The following PTPRD variants were observed in gnomAD, a reference collection of about 807,000 sequenced individuals.
PTPRD encodes the protein protein tyrosine phosphatase receptor type D.
PTPRD carries 34 observed loss-of-function variants against 214.5 expected under a neutral mutation model. The observed-to-expected ratio is 0.16, with a 90% CI of 0.12 to 0.21. The LOEUF is 0.21. Among genes scored for constraint, PTPRD ranks in the 10% least tolerant of loss-of-function variants. PTPRD has a pLI of 1.00. For synonymous variants in PTPRD, 1,128 were observed against 845.7 expected, an observed-to-expected ratio of 1.33 and a Z score of -5.79; for missense variants, 2,545 against 2,398.7, an observed-to-expected ratio of 1.06 and a Z score of -1.27.
At position 10,546,584 on chromosome 9, in the gene PTPRD, T is replaced by C. The variant is rs184597249; in HGVS notation, c.-600+65814A>G. Among the ~76,000 whole-genome samples, 208 of 152,102 alleles carry C rather than the reference T, an allele frequency of 1.4e-3. 2 individuals carry two copies. Among genetic ancestry groups the C allele is most frequent in the Admixed American group, 0.013 (202 of 15,262 alleles). The stretch of plus-strand genomic sequence containing the variant: ...GAAAGAACAAATATTGTATAAACAA[T>C]TGGTACTAATTGACACAATTTCCTG... On this transcript the variant is annotated intron_variant, in intron 2 of 45. Transcript: ENST00000381196.
At chr9:9,402,396 A>G (rs948841241) in intron 8 of PTPRD, among the ~76,000 whole-genome samples, 1 of 152,148 alleles carries the variant, frequency 6.6e-6, no homozygotes, top group African/African-American at 2.4e-5. Flanking sequence ...TTGAATTTAT[A>G]CCACCCACAA....
At chr9:9,728,682 CT>C (rs1228352943) in intron 7 of PTPRD, among the ~76,000 whole-genome samples, 2 of 152,034 alleles carry the variant, frequency 1.3e-5, no homozygotes, top group East Asian at 3.9e-4. Context: ...ACAGTGGCTC[CT>C]TTAATTTAGA....
chr9:8,982,087 A>T lies in PTPRD; in HGVS notation c.-104+36610T>A, dbSNP rs187143180. 4.5e-3 allele frequency among the ~76,000 whole-genome samples: 683 copies of T among 152,136 alleles called. 7 individuals are homozygous for T. The highest frequency in any genetic ancestry group is 0.016 in the African/African-American group (651 of 41,552). On this transcript the variant is annotated intron_variant, in intron 11 of 45. Transcript: ENST00000381196. ...AGGTCAAGAAGTGAATGGCAGTGAA[A>T]ATAGAGGTATTTCAAAGTGAAATTA... is the stretch of plus-strand genomic sequence containing the variant.
chr9:10,309,515 G>A (rs1251290351), intron 3 of PTPRD, among the ~76,000 whole-genome samples: 1 of 135,906 alleles, frequency 7.4e-6, no homozygotes, highest in Non-Finnish European at 1.5e-5. Flanking sequence ...ACCACATCCA[G>A]CTATTTCTTT....
chr9:8,909,808 C>G (rs2098734565), intron 11 of PTPRD, among the ~76,000 whole-genome samples: 2 of 133,560 alleles, frequency 1.5e-5, no homozygotes, highest in African/African-American at 2.8e-5. Context: ...GAGATAGAGA[C>G]AGAGATAGAG....
intron 6 of PTPRD, among the ~76,000 whole-genome samples, chr9:9,760,296 T>C (rs1253169170): frequency 2.0e-5 from 3 of 152,258 alleles, no homozygotes; most frequent in Non-Finnish European, 2.9e-5. Context: ...TTAAGGTGTA[T>C]GATAAGTGAG....
chr9:8,727,257 CT>C (rs1307719839), intron 12 of PTPRD, among the ~76,000 whole-genome samples: 1 of 152,184 alleles, frequency 6.6e-6, no homozygotes, highest in Non-Finnish European at 1.5e-5. Flanking sequence ...ATAAAAAATG[CT>C]TTGAAATGTA....
At chr9:10,004,701 T>A (rs1366450097) in intron 4 of PTPRD, among the ~76,000 whole-genome samples, 2 of 152,000 alleles carry the variant, frequency 1.3e-5, no homozygotes, top group Non-Finnish European at 2.9e-5. Context: ...AAATACCAAA[T>A]AGTGTCATAA....
chr9:8,660,385 G>C (rs980611651), intron 12 of PTPRD, among the ~76,000 whole-genome samples: 1 of 152,106 alleles, frequency 6.6e-6, no homozygotes, highest in South Asian at 2.1e-4. Context: ...ACAGTGCTTT[G>C]AGGGTTAAGC....
intron 12 of PTPRD, among the ~76,000 whole-genome samples, chr9:8,700,260 C>T (rs1163155508): frequency 6.6e-6 from 1 of 152,152 alleles, no homozygotes; most frequent in Non-Finnish European, 1.5e-5. Flanking sequence ...AGTAAAAATG[C>T]ATCTAAATTA....
rs189888284 is a variant in PTPRD, at chr9:9,687,746, T to C, written c.-287+46787A>G. On this transcript the variant is annotated intron_variant, in intron 7 of 45. Coordinates refer to ENST00000381196, the MANE Select transcript of PTPRD (RefSeq NM_002839.4). ...TTTTCATTTTATTGGTCTCAATTGG[T>C]CAAAAACAAAATGTTGATAACAATA... 4.3e-4 allele frequency among the ~76,000 whole-genome samples: 66 copies of C among 151,914 alleles called. 1 individual carries two copies. The East Asian group carries it at 0.011, about 26-fold the overall frequency.
chr9:10,073,663 T>G (rs2098077657), intron 3 of PTPRD, among the ~76,000 whole-genome samples: 1 of 152,136 alleles, frequency 6.6e-6, no homozygotes, highest in South Asian at 2.1e-4. Flanking sequence ...GTGGTCTTCC[T>G]ACTATGAGGA....
chr9:10,147,758 T>C (rs1228370098), intron 3 of PTPRD, among the ~76,000 whole-genome samples: 1 of 152,092 alleles, frequency 6.6e-6, no homozygotes, highest in East Asian at 1.9e-4. Flanking sequence ...CAGGCTCCTG[T>C]AATCCCAGCC....
rs575904736 is a variant in PTPRD, at chr9:10,514,860, A to T, written c.-600+97538T>A. Among the ~76,000 whole-genome samples, 15 of 152,192 alleles carry T rather than the reference A, an allele frequency of 9.9e-5. No individual in the cohort carries two copies. In the East Asian group the frequency reaches 2.5e-3, roughly 25 times the overall value. On this transcript the variant is annotated intron_variant, in intron 2 of 45. Transcript: ENST00000381196. The stretch of plus-strand genomic sequence containing the variant: ...TACTACTAGAAACATACATGTTTAC[A>T]TAGTAGTTCACCATTAAAAAGAAAT...
At chr9:9,802,010 T>C (rs10491919) in intron 5 of PTPRD, among the ~76,000 whole-genome samples, 15,941 of 152,078 alleles carry the variant, frequency 0.1, 2,089 homozygotes, top group East Asian at 0.65. Flanking sequence ...TTGGTGAGTA[T>C]TGAGAAAAAA....
chr9:9,883,202 T>A (rs995397606), intron 5 of PTPRD, among the ~76,000 whole-genome samples: 3 of 152,014 alleles, frequency 2.0e-5, no homozygotes, highest in Non-Finnish European at 4.4e-5. Flanking sequence ...TTTTAAAAGA[T>A]AATACACAAG....
At chr9:10,042,512 T>G (rs1291113614) in intron 3 of PTPRD, among the ~76,000 whole-genome samples, 2 of 151,914 alleles carry the variant, frequency 1.3e-5, no homozygotes, top group African/African-American at 4.8e-5. Context: ...ACTTTTAGAC[T>G]ATTGCCATAT....
intron 14 of PTPRD, among the ~76,000 whole-genome samples, chr9:8,546,760 C>T (rs1033787563): frequency 3.9e-5 from 6 of 152,180 alleles, no homozygotes; most frequent in African/African-American, 1.2e-4. Flanking sequence ...TGGAGCCTCC[C>T]AAAGTCCTGG....
chr9:9,837,831 A>T (rs1015637656), intron 5 of PTPRD, among the ~76,000 whole-genome samples: 1 of 152,110 alleles, frequency 6.6e-6, no homozygotes, highest in African/African-American at 2.4e-5. Flanking sequence ...GGTTAGTTAC[A>T]TATGTATACA....
Sources: gnomAD v4.1 joint callset for allele counts (sites outside exome capture counted in the v4.1 genomes callset) on GRCh38, gnomAD v4.1.1 for gene constraint, MANE v1.5 for transcripts, NCBI Gene and HGNC (gene_info 2026-07-23, HGNC 2026-07-21) for gene names.